The following RIMKLB variants were observed in gnomAD, a reference collection of about 807,000 sequenced individuals.
RIMKLB encodes the protein ribosomal modification protein rimK like family member B.
In RIMKLB, 7 loss-of-function variants were observed where a neutral mutation model predicts 32.0. The ratio of observed to expected loss-of-function variants is 0.22; its 90% CI spans 0.12 to 0.41. The LOEUF is 0.41. Ranked by LOEUF, RIMKLB falls within the 10% of genes least tolerant of loss-of-function variation. The pLI is 1.00. For missense variants in RIMKLB, 289 were observed against 498.7 expected, an observed-to-expected ratio of 0.58 and a Z score of 4.00; for synonymous variants, 172 against 185.1, an observed-to-expected ratio of 0.93 and a Z score of 0.57.
In RIMKLB at chr12:8,749,800, A is replaced by G. The variant is rs866964336; in HGVS notation, c.176-62A>G. 28 of 1,058,642 alleles carry G rather than the reference A, an allele frequency of 2.6e-5. No homozygotes were observed. The Middle Eastern group carries it at 3.9e-3, about 146-fold the overall frequency. 65.6% of individuals were successfully genotyped at this position (1,058,642 alleles called of 1,614,324 possible). On this transcript the variant is annotated intron_variant, in intron 2 of 5. Transcript: ENST00000535829. Reference sequence around the variant, plus strand: ...GTGATCCAAACTTTGGCGTATTACTATTCCTCTATTTTGTTGTATATTTCC... The same window carrying G: ...GTGATCCAAACTTTGGCGTATTACTGTTCCTCTATTTTGTTGTATATTTCC...
chr12:8,765,962 G>C (rs962436222), intron 5 of RIMKLB, among the ~76,000 whole-genome samples: 2 of 152,094 alleles, frequency 1.3e-5, no homozygotes, highest in South Asian at 4.2e-4. Flanking sequence ...GGGAGGCCAG[G>C]TTTCTCCCCC....
At chr12:8,669,772 A>T in the RIMKLB span, among the ~76,000 whole-genome samples, 1 of 152,094 alleles carries the variant, frequency 6.6e-6, no homozygotes, top group African/African-American at 2.4e-5. Context: ...TCATGCCTGT[A>T]ATCCCAGCAC....
At chr12:8,702,008 TA>T (rs773678189) in intron 1 of RIMKLB, among the ~76,000 whole-genome samples, 1,843 of 137,526 alleles carry the variant, frequency 0.013, 21 homozygotes, top group African/African-American at 0.038. Context: ...TCCATCTCAA[TA>T]AAAAAAAAAA....
chr12:8,749,851 A>G lies in RIMKLB; in HGVS notation c.176-11A>G, dbSNP rs1591882748. 6.4e-7 allele frequency: 1 copy of G among 1,564,598 alleles called. No homozygotes were observed. The highest frequency in any genetic ancestry group is 1.4e-5 in the African/African-American group (1 of 74,010). ...CTCTAATTGTGTTGGTCTTGTATTT[A>G]TATATTTCAGGTCTGCGGATCAATG... is the stretch of plus-strand genomic sequence containing the variant. On this transcript the variant is annotated splice_polypyrimidine_tract_variant and intron_variant, in intron 2 of 5. Transcript: ENST00000535829.
At chr12:8,778,059 A>G (rs1454039304), downstream of RIMKLB, among the ~76,000 whole-genome samples, 2 of 152,158 alleles carry the variant, frequency 1.3e-5, no homozygotes, top group African/African-American at 4.8e-5. Flanking sequence ...ATATATGTCT[A>G]TAATTAAGTA....
chr12:8,695,181 GCACCGCCCCGCCC>G (rs1378711583), upstream of RIMKLB, among the ~76,000 whole-genome samples: 44 of 146,004 alleles, frequency 3.0e-4, no homozygotes, highest in African/African-American at 1.1e-3. Flanking sequence ...TTCAATTGCC[GCACCGCCCCGCCC>G]CCCCGCCCCG....
At chr12:8,762,267 G>A (rs1949590781) in intron 5 of RIMKLB, among the ~76,000 whole-genome samples, 2 of 152,198 alleles carry the variant, frequency 1.3e-5, no homozygotes, top group Admixed American at 6.5e-5. Context: ...GCAGGCAAAA[G>A]TATTTTTCCT....
intron 3 of RIMKLB, 26 bp downstream of exon 3, chr12:8,750,118 G>T: frequency 7.2e-7 from 1 of 1,385,324 alleles, no homozygotes; most frequent in Non-Finnish European, 1.0e-6. Context: ...AGCATACATA[G>T]CCTGAATATT....
At chr12:8,732,730 G>A (rs1026410178) in intron 2 of RIMKLB, among the ~76,000 whole-genome samples, 1 of 149,510 alleles carries the variant, frequency 6.7e-6, no homozygotes, top group African/African-American at 2.5e-5. Flanking sequence ...AAAGCGTTAT[G>A]CATGCAACAG....
intron 5 of RIMKLB, among the ~76,000 whole-genome samples, chr12:8,762,248 T>C (rs1949589700): frequency 6.6e-6 from 1 of 152,176 alleles, no homozygotes; most frequent in Non-Finnish European, 1.5e-5. Context: ...TAACTACCAT[T>C]GGTTGGCTGC....
intron 1 of RIMKLB, among the ~76,000 whole-genome samples, chr12:8,708,066 A>G (rs776777275): frequency 1.3e-5 from 2 of 152,320 alleles, no homozygotes; most frequent in East Asian, 3.9e-4. Context: ...AGAGTTCTAT[A>G]CAGATTCCAC....
At chr12:8,770,264 AT>A (rs1269334467) in intron 5 of RIMKLB, among the ~76,000 whole-genome samples, 3 of 152,190 alleles carry the variant, frequency 2.0e-5, no homozygotes, top group Non-Finnish European at 4.4e-5. Flanking sequence ...CGCCTGGCCT[AT>A]TGTAGCAGTA....
At chr12:8,673,547 A>G in the RIMKLB span, among the ~76,000 whole-genome samples, 1 of 151,584 alleles carries the variant, frequency 6.6e-6, no homozygotes, top group East Asian at 1.9e-4. Context: ...TGTTGGCAGA[A>G]GCCTCAGTTA....
At chr12:8,720,535 C>T (rs1455439054) in intron 2 of RIMKLB, among the ~76,000 whole-genome samples, 1 of 152,130 alleles carries the variant, frequency 6.6e-6, no homozygotes, top group Non-Finnish European at 1.5e-5. Context: ...GGTAAAGTAT[C>T]ATTATCCCTC....
chr12:8,771,517 C>G (rs1408590633), intron 5 of RIMKLB, among the ~76,000 whole-genome samples: 1 of 152,118 alleles, frequency 6.6e-6, no homozygotes, highest in Non-Finnish European at 1.5e-5. Context: ...ACATCTTTCT[C>G]CTTGGAAGAA....
At chr12:8,675,296 C>T in the RIMKLB span, among the ~76,000 whole-genome samples, 2 of 152,092 alleles carry the variant, frequency 1.3e-5, no homozygotes, top group Admixed American at 1.3e-4. Flanking sequence ...TTGAAATGTC[C>T]CCTCCTCTTG....
intron 2 of RIMKLB, among the ~76,000 whole-genome samples, chr12:8,738,348 A>G (rs1476151241): frequency 6.6e-6 from 1 of 152,190 alleles, no homozygotes; most frequent in African/African-American, 2.4e-5. Flanking sequence ...CGTGCAATTA[A>G]TGGTTTTTGA....
At chr12:8,760,550 A>G (rs774012018) in intron 5 of RIMKLB, among the ~76,000 whole-genome samples, 6 of 152,224 alleles carry the variant, frequency 3.9e-5, no homozygotes, top group Non-Finnish European at 5.9e-5. Flanking sequence ...ACTACTTTAC[A>G]GTCTCACCAA....
intron 5 of RIMKLB, among the ~76,000 whole-genome samples, chr12:8,758,074 GGCGTGAGCCA>G (rs1349995767): frequency 9.2e-5 from 14 of 152,102 alleles, no homozygotes; most frequent in African/African-American, 3.1e-4. Flanking sequence ...TGGGATTACA[GGCGTGAGCCA>G]CTGCGCCTGG....
Sources: allele counts gnomAD v4.1 joint callset (sites outside exome capture counted in the v4.1 genomes callset), GRCh38; gene constraint gnomAD v4.1.1; transcripts MANE v1.5; gene names NCBI Gene and HGNC (gene_info 2026-07-23, HGNC 2026-07-21).